Variants in PCDH15 observed in about 807,000 individuals in gnomAD.
The protein encoded by PCDH15 is protocadherin related 15, also known as protocadherin-15.
In PCDH15, 129 loss-of-function variants were observed where a neutral mutation model predicts 178.5. The observed-to-expected ratio is 0.72, with a 90% CI of 0.63 to 0.84. The LOEUF (loss-of-function observed/expected upper bound fraction) is 0.84, where lower values mean the gene tolerates loss of function less well. PCDH15 is among the 40% of genes least tolerant of loss of function. The pLI, the probability that PCDH15 is intolerant of heterozygous loss-of-function variation, is 0.00. For synonymous variants in PCDH15, 800 were observed against 732.0 expected (o/e 1.09, Z -1.50); for missense variants, 2,230 against 2,099.9 (o/e 1.06, Z -1.21).
intron 32 of PCDH15, chr10:53,822,960 G>T: frequency 1.2e-6 from 2 of 1,613,986 alleles, no homozygotes; most frequent in Non-Finnish European, 1.7e-6. Context: ...TGGTCTATTT[G>T]GAACTTTCCT....
intron 2 of PCDH15, among the ~76,000 whole-genome samples, chr10:55,483,689 G>A (rs1840234219): frequency 6.6e-6 from 1 of 151,402 alleles, no homozygotes; most frequent in African/African-American, 2.4e-5. Flanking sequence ...GGTGGTGTGT[G>A]TCTGCAATCC....
At position 54,877,936 on chromosome 10, in the gene PCDH15, C is replaced by CTTTTTTTTTT. The variant is rs1954176789; in HGVS notation, c.-29+19513_-29+19514insAAAAAAAAAA. On this transcript the variant is annotated intron_variant, in intron 3 of 5. Coordinates refer to the PCDH15 transcript ENST00000458638. ...TCTCTTATTCTCTTTCTCTCTCTCT[C>CTTTTTTTTTT]TCTTTTTTTTTTTTTTTTTTTTTTT... Among the ~76,000 whole-genome samples the CTTTTTTTTTT allele has an allele frequency of 1.4e-4, 15 of 104,352 alleles. 1 individual carries two copies. The highest frequency in any genetic ancestry group is 5.9e-4 in the South Asian group (2 of 3,392). The allele number at this position is 104,352 out of a possible 152,430, so 68.5% of individuals were successfully genotyped here. A position where few individuals can be genotyped will look rare whatever the true frequency, so the allele number is the denominator to read the frequency against.
intron 8 of PCDH15, among the ~76,000 whole-genome samples, chr10:54,302,313 T>C (rs1287890976): frequency 6.6e-6 from 1 of 152,176 alleles, no homozygotes; most frequent in Non-Finnish European, 1.5e-5. Flanking sequence ...AAAGGTAGTA[T>C]AGGTAAAACT....
chr10:55,532,701 A>T (rs1841480758), intron 2 of PCDH15, among the ~76,000 whole-genome samples: 1 of 152,038 alleles, frequency 6.6e-6, no homozygotes, highest in South Asian at 2.1e-4. Context: ...TAAATGCTAT[A>T]GTCTTTGATA....
chr10:55,001,482 T>C (rs1003885332), intron 2 of PCDH15, among the ~76,000 whole-genome samples: 4 of 152,186 alleles, frequency 2.6e-5, no homozygotes, highest in East Asian at 3.9e-4. Context: ...GACATCCTCA[T>C]TGGGGCTCTG....
chr10:54,303,643 C>A (rs2060283052), intron 8 of PCDH15, among the ~76,000 whole-genome samples: 1 of 152,002 alleles, frequency 6.6e-6, no homozygotes, highest in African/African-American at 2.4e-5. Flanking sequence ...ATCAGGTATA[C>A]ACTCTGTAAA....
intron 15 of PCDH15, among the ~76,000 whole-genome samples, chr10:54,096,267 C>A (rs186554479): frequency 6.6e-6 from 1 of 151,780 alleles, no homozygotes; most frequent in Non-Finnish European, 1.5e-5. Context: ...TCCCAGTATC[C>A]CTTTTGATTG....
At chr10:53,994,802 A>G (rs961028586) in intron 21 of PCDH15, 11 of 152,164 alleles carry the variant, frequency 7.2e-5, no homozygotes, top group African/African-American at 2.7e-4. Context: ...GAAAAATGTT[A>G]TGATGGCCAT....
chr10:54,512,938 G>C (rs1040309843), intron 3 of PCDH15, among the ~76,000 whole-genome samples: 1 of 151,916 alleles, frequency 6.6e-6, no homozygotes, highest in South Asian at 2.1e-4. Context: ...CCAAGAATTA[G>C]ACAGTATTTT....
intron 21 of PCDH15, among the ~76,000 whole-genome samples, chr10:53,970,138 A>G (rs2089514047): frequency 6.6e-6 from 1 of 152,154 alleles, no homozygotes; most frequent in Non-Finnish European, 1.5e-5. Context: ...CGATACACAT[A>G]GGCTCAAAAT....
chr10:54,691,474 A>G (rs2095119287), intron 1 of PCDH15, among the ~76,000 whole-genome samples: 2 of 151,884 alleles, frequency 1.3e-5, no homozygotes, highest in South Asian at 4.2e-4. Flanking sequence ...ATGACTGACA[A>G]TGAGTTGAGA....
intron 8 of PCDH15, among the ~76,000 whole-genome samples, chr10:54,297,464 TC>T (rs1591654431): frequency 6.6e-6 from 1 of 152,300 alleles, no homozygotes. Flanking sequence ...GTCCAAGCTT[TC>T]TTTTCATTGA....
chr10:54,753,330 C>T (rs1027046144), intron 1 of PCDH15, among the ~76,000 whole-genome samples: 1 of 152,016 alleles, frequency 6.6e-6, no homozygotes, highest in Admixed American at 6.6e-5. Context: ...ATTACAGGCG[C>T]ATACACCATG....
At chr10:55,210,858 C>T (rs1259833469) in intron 1 of PCDH15, among the ~76,000 whole-genome samples, 2 of 151,510 alleles carry the variant, frequency 1.3e-5, no homozygotes, top group African/African-American at 4.9e-5. Flanking sequence ...GATCTCTTTA[C>T]CTCGTGATAC....
At chr10:54,784,968 T>C (rs1950706342) in intron 1 of PCDH15, among the ~76,000 whole-genome samples, 1 of 151,954 alleles carries the variant, frequency 6.6e-6, no homozygotes, top group Admixed American at 6.6e-5. Flanking sequence ...ATTTCCATCA[T>C]GTCAGTCATC....
chr10:55,460,122 G>A lies in PCDH15; in HGVS notation c.-156+167503C>T, dbSNP rs559978169. Among the ~76,000 whole-genome samples the A allele has an allele frequency of 1.3e-3, 202 of 151,914 alleles. 2 individuals carry two copies. The highest frequency in any genetic ancestry group is 4.5e-3 in the African/African-American group (185 of 41,464). On this transcript the variant is annotated intron_variant, in intron 2 of 5. Coordinates refer to the PCDH15 transcript ENST00000613346. The stretch of plus-strand genomic sequence containing the variant: ...AGGAATGCCACAGAGTTGGGGGTAC[G>A]AATCAGGAGAATGATGCCACCTGTT...
chr10:54,661,390 A>G (rs2135388784), intron 2 of PCDH15, among the ~76,000 whole-genome samples: 1 of 152,146 alleles, frequency 6.6e-6, no homozygotes, highest in East Asian at 1.9e-4. Context: ...ACACTGCTGA[A>G]AGAAATACTA....
At chr10:54,765,236 A>C (rs1431892646) in intron 1 of PCDH15, among the ~76,000 whole-genome samples, 2 of 152,200 alleles carry the variant, frequency 1.3e-5, no homozygotes, top group Non-Finnish European at 2.9e-5. Flanking sequence ...TCCTGTATCC[A>C]TACTAACTTT....
chr10:54,258,444 G>A (rs914543785), intron 8 of PCDH15, among the ~76,000 whole-genome samples: 1 of 152,114 alleles, frequency 6.6e-6, no homozygotes, highest in Admixed American at 6.6e-5. Flanking sequence ...TGCTGAAATG[G>A]ATCAAGTGAT....
Sources: allele counts gnomAD v4.1 joint callset (sites outside exome capture counted in the v4.1 genomes callset), GRCh38; gene constraint gnomAD v4.1.1; transcripts MANE v1.5; gene names NCBI Gene and HGNC (gene_info 2026-07-23, HGNC 2026-07-21).